The following NEBL variants were observed in gnomAD, a reference collection of about 807,000 sequenced individuals.
The protein encoded by NEBL is LIM and SH3 protein 2.
Under a neutral mutation model 140.2 loss-of-function variants are expected in NEBL, and 122 were observed. The observed-to-expected ratio is 0.87, with a 90% confidence interval of 0.75 to 1.01. The LOEUF is 1.01. Among genes scored for constraint, NEBL ranks in the 50% least tolerant of loss-of-function variants. NEBL has a pLI of 0.00. For synonymous variants in NEBL, 436 were observed against 398.9 expected (o/e 1.09, Z -1.11); for missense variants, 1,365 against 1,231.3 (o/e 1.11, Z -1.62).
At chr10:21,013,493 G>C (rs745351652) in intron 3 of NEBL, among the ~76,000 whole-genome samples, 19 of 152,170 alleles carry the variant, frequency 1.2e-4, no homozygotes, top group South Asian at 4.2e-4. Flanking sequence ...AGCATAAAAG[G>C]CTTCTTGTCC....
chr10:20,846,650 T>C (rs1841975809), intron 11 of NEBL, among the ~76,000 whole-genome samples: 1 of 152,162 alleles, frequency 6.6e-6, no homozygotes, highest in African/African-American at 2.4e-5. Flanking sequence ...AGATAACAGT[T>C]ACAAGGCTGA....
At chr10:20,997,239 G>C (rs776889769) in intron 3 of NEBL, among the ~76,000 whole-genome samples, 53 of 152,134 alleles carry the variant, frequency 3.5e-4, no homozygotes, top group Non-Finnish European at 6.2e-4. Flanking sequence ...TGGTGGGGTT[G>C]CAGAGATAAT....
In NEBL at chr10:21,272,692, T is replaced by C. The variant is rs567358917; in HGVS notation, n.182+20138A>G. ...CAATATCTACAAGTTGCTTTTTGCA[T>C]CTGTAAATTGAGTATATTAATAGCT... On this transcript the variant is annotated intron_variant and non_coding_transcript_variant, in intron 1 of 8. Transcript: ENST00000675702. Among the ~76,000 whole-genome samples, 4 of 152,310 alleles carry C rather than the reference T, an allele frequency of 2.6e-5. No individual in the cohort carries two copies. The South Asian group carries it at 8.3e-4, about 32-fold the overall frequency.
chr10:21,113,449 A>T (rs1219004334), intron 2 of NEBL: 5 of 408,836 alleles, frequency 1.2e-5, no homozygotes, highest in Admixed American at 6.1e-5. Context: ...TTGCTTCTGG[A>T]TGACTGACCA....
chr10:20,805,864 A>G (rs951690178), intron 26 of NEBL, among the ~76,000 whole-genome samples: 3 of 152,134 alleles, frequency 2.0e-5, no homozygotes, highest in Admixed American at 2.0e-4. Flanking sequence ...AAAAAAAAAA[A>G]AAGTCAACTT....
chr10:21,103,401 G>C (rs1375392800), intron 2 of NEBL, among the ~76,000 whole-genome samples: 1 of 152,034 alleles, frequency 6.6e-6, no homozygotes, highest in Non-Finnish European at 1.5e-5. Flanking sequence ...TTCTCGTAGA[G>C]ATGGGGTTTC....
intron 2 of NEBL, among the ~76,000 whole-genome samples, chr10:21,040,649 C>CT (rs1247759927): frequency 6.6e-6 from 1 of 152,210 alleles, no homozygotes; most frequent in Non-Finnish European, 1.5e-5. Context: ...CCAAACCCCA[C>CT]TACCAACCTT....
At chr10:20,954,990 C>G (rs1835716376) in intron 4 of NEBL, among the ~76,000 whole-genome samples, 1 of 152,142 alleles carries the variant, frequency 6.6e-6, no homozygotes, top group Admixed American at 6.5e-5. Context: ...TACATTTTAT[C>G]CTAAAGGCAG....
At chr10:20,820,442 C>T (rs1839184930) in intron 19 of NEBL, among the ~76,000 whole-genome samples, 1 of 152,202 alleles carries the variant, frequency 6.6e-6, no homozygotes, top group East Asian at 1.9e-4. Flanking sequence ...TTCACAGGGA[C>T]AGTTTTAGTG....
intron 12 of NEBL, 61 bp from the exon 13 acceptor site, chr10:20,840,910 T>C (rs772293483): frequency 1.8e-5 from 17 of 938,688 alleles, no homozygotes; most frequent in Admixed American, 3.9e-5. Context: ...CAGTGTGCTA[T>C]TCTACATGTT....
intron 3 of NEBL, among the ~76,000 whole-genome samples, chr10:20,963,561 T>C (rs999641020): frequency 2.6e-5 from 4 of 152,318 alleles, no homozygotes; most frequent in African/African-American, 9.6e-5. Flanking sequence ...TTTTTGGTTT[T>C]TTCTTTTTGT....
At position 21,072,123 on chromosome 10, in the gene NEBL, G is replaced by T. The variant is rs577489918; in HGVS notation, c.165-51922C>A. ...ATGAGCCACCGTGCCTGGCCCATTG[G>T]TTTTTTTTTCAGGAGGTTCTGAAAG... On this transcript the variant is annotated intron_variant, in intron 2 of 6. Transcript: ENST00000417816. Among the ~76,000 whole-genome samples, 9 of 150,520 alleles carry T rather than the reference G, an allele frequency of 6.0e-5. No homozygotes were observed. The South Asian group carries it at 1.9e-3, about 32-fold the overall frequency.
intron 5 of NEBL, among the ~76,000 whole-genome samples, chr10:20,874,751 T>C (rs1845316757): frequency 6.6e-6 from 1 of 152,130 alleles, no homozygotes; most frequent in Admixed American, 6.5e-5. Context: ...ATTTTTTTTC[T>C]TTTTTGAAGA....
At chr10:21,026,287 G>A (rs1382374304) in intron 2 of NEBL, among the ~76,000 whole-genome samples, 7 of 152,046 alleles carry the variant, frequency 4.6e-5, no homozygotes, top group South Asian at 2.1e-4. Flanking sequence ...CTGACATCTC[G>A]TGGTCAGGAG....
chr10:20,955,573 T>TA (rs1835760055), intron 4 of NEBL, among the ~76,000 whole-genome samples: 2 of 152,198 alleles, frequency 1.3e-5, no homozygotes, highest in Non-Finnish European at 2.9e-5. Flanking sequence ...AATAGTCATT[T>TA]AGGAGCAGAT....
In NEBL at chr10:21,232,454, G is replaced by T. The variant is rs574075947; in HGVS notation, n.348+15467C>A. ...TTATTATTACATTGTAATATATGAG[G>T]AAATAATTGTACAACTCACCATAAT... On this transcript the variant is annotated intron_variant and non_coding_transcript_variant, in intron 3 of 8. Coordinates refer to the NEBL transcript ENST00000675702. Among the ~76,000 whole-genome samples the T allele has an allele frequency of 2.0e-5, 3 of 152,272 alleles. No homozygotes were observed. In the South Asian group the frequency reaches 6.2e-4, roughly 32 times the overall value.
At chr10:21,103,362 C>T (rs917294778) in intron 2 of NEBL, among the ~76,000 whole-genome samples, 6 of 151,942 alleles carry the variant, frequency 3.9e-5, no homozygotes, top group South Asian at 2.1e-4. Flanking sequence ...TACAGGCACC[C>T]GCCACCATGC....
intron 9 of NEBL, among the ~76,000 whole-genome samples, chr10:20,853,635 G>A (rs191293827): frequency 6.7e-4 from 102 of 152,160 alleles, no homozygotes; most frequent in Non-Finnish European, 1.2e-3. Flanking sequence ...AAAAAATAAA[G>A]AAATCAGCTG....
At chr10:20,908,579 T>C (rs1282794864) in intron 4 of NEBL, among the ~76,000 whole-genome samples, 2 of 152,176 alleles carry the variant, frequency 1.3e-5, no homozygotes, top group Admixed American at 6.5e-5. Flanking sequence ...TTATGAGCAG[T>C]AGTGAGCTGG....
Sources: gnomAD v4.1 joint callset for allele counts (sites outside exome capture counted in the v4.1 genomes callset) on GRCh38, gnomAD v4.1.1 for gene constraint, MANE v1.5 for transcripts, NCBI Gene and HGNC (gene_info 2026-07-23, HGNC 2026-07-21) for gene names.